HUNK: variants seen among roughly 807,000 people sequenced by gnomAD.
The protein encoded by HUNK is hormonally up-regulated neu tumor-associated kinase.
Under a neutral mutation model 61.0 loss-of-function variants are expected in HUNK, and 21 were observed. That is an observed-to-expected ratio of 0.34 (90% confidence interval 0.24 to 0.50). The LOEUF (loss-of-function observed/expected upper bound fraction) is 0.50, where lower values mean the gene tolerates loss of function less well. Ranked by LOEUF, HUNK falls within the 20% of genes least tolerant of loss-of-function variation. The probability of loss-of-function intolerance (pLI) is 0.98; values close to 1 mark genes in which losing one functional copy is unlikely to be tolerated. For missense variants in HUNK, 772 were observed against 945.7 expected, an observed-to-expected ratio of 0.82 and a Z score of 2.41; for synonymous variants, 371 against 386.1, an observed-to-expected ratio of 0.96 and a Z score of 0.46.
In HUNK at chr21:31,947,110, C is replaced by T. The variant is rs536991425; in HGVS notation, c.746+939C>T. On this transcript the variant is annotated intron_variant, in intron 4 of 10. Coordinates refer to ENST00000270112, the MANE Select transcript of HUNK (RefSeq NM_014586.2). ...CCATATCCCAGTCTCAAACCAGTGG[C>T]GCCTATGCATTCCCACAGCCCATTC... Among the ~76,000 whole-genome samples, 5 of 149,770 alleles carry T rather than the reference C, an allele frequency of 3.3e-5. No individual in the cohort carries two copies. In the South Asian group the frequency reaches 1.1e-3, roughly 32 times the overall value.
rs183642132 is a variant in HUNK, at chr21:31,959,803, T to C, written c.874+833T>C. On this transcript the variant is annotated intron_variant, in intron 5 of 10. Transcript: ENST00000270112. Reference sequence around the variant, plus strand: ...ACTGTTATGCATTTTTCTTCTGAGTTTAAAAGCATGCATGAAGCTGCCCCT... The same window carrying C: ...ACTGTTATGCATTTTTCTTCTGAGTCTAAAAGCATGCATGAAGCTGCCCCT... Among the ~76,000 whole-genome samples the C allele has an allele frequency of 2.0e-5, 3 of 152,362 alleles. No individual in the cohort carries two copies. In the East Asian group the frequency reaches 5.8e-4, roughly 29 times the overall value.
intron 1 of HUNK, among the ~76,000 whole-genome samples, chr21:31,880,295 A>G (rs946615155): frequency 1.3e-5 from 2 of 152,182 alleles, no homozygotes; most frequent in South Asian, 4.2e-4. Flanking sequence ...GACATTCTCT[A>G]TGAGTTTGCT....
chr21:31,938,659 T>C (rs66794948), intron 2 of HUNK, among the ~76,000 whole-genome samples: 27,037 of 152,236 alleles, frequency 0.18, 3,693 homozygotes, highest in African/African-American at 0.38. Flanking sequence ...TTTCTCTTGC[T>C]TATCTCTCTA....
At chr21:31,961,926 C>G (rs139996156) in intron 5 of HUNK, among the ~76,000 whole-genome samples, 2 of 152,122 alleles carry the variant, frequency 1.3e-5, no homozygotes, top group African/African-American at 2.4e-5. Flanking sequence ...ACAATCAGCC[C>G]CCAAGTCTTA....
chr21:31,931,280 T>C (rs1002996687), intron 2 of HUNK, among the ~76,000 whole-genome samples: 2 of 151,900 alleles, frequency 1.3e-5, no homozygotes, highest in Non-Finnish European at 2.9e-5. Context: ...TTACCTTTCA[T>C]TGGGCTGGGG....
chr21:31,945,578 C>CTGTAAGTCAACTGTAAGTGG (rs1429486736), intron 3 of HUNK, among the ~76,000 whole-genome samples: 2 of 152,338 alleles, frequency 1.3e-5, no homozygotes, highest in Non-Finnish European at 2.9e-5. Context: ...GGCTGGATTG[C>CTGTAAGTCAACTGTAAGTGG]ATGTCACTGA....
intron 1 of HUNK, among the ~76,000 whole-genome samples, chr21:31,880,260 G>A (rs1289283614): frequency 6.6e-6 from 1 of 152,180 alleles, no homozygotes; most frequent in Non-Finnish European, 1.5e-5. Context: ...TACGTAGAAG[G>A]GTGCCCTGAG....
Position 31,990,161 on chromosome 21 carries a change from A to G in HUNK, c.1290A>G (p.Glu430=). 6.2e-7 allele frequency: 1 copy of G among 1,613,968 alleles called. No individual in the cohort carries two copies. The highest frequency in any genetic ancestry group is 8.5e-7 in the Non-Finnish European group (1 of 1,179,886). The stretch of plus-strand genomic sequence containing the variant: ...TGGACACCTGGACACGAGATCTTGA[A>G]TTCCATGCCGTGCAGGTAAGAACTT... ...ASLDTWTRDL[E]FHAVQDKKPK... The change falls in exon 9 of 11, where the codon GAA becomes GAG. Residue 430 remains glutamate (E), a synonymous_variant. Transcript: ENST00000270112.
chr21:31,945,187 A>G (rs1341229550), intron 3 of HUNK, among the ~76,000 whole-genome samples: 3 of 152,196 alleles, frequency 2.0e-5, no homozygotes, highest in African/African-American at 7.2e-5. Context: ...GAGATCAACA[A>G]AGATTAAGGA....
chr21:31,979,171 C>T (rs1419377617), intron 7 of HUNK, among the ~76,000 whole-genome samples: 4 of 147,028 alleles, frequency 2.7e-5, no homozygotes, highest in Admixed American at 1.4e-4. Context: ...GGCGTGATCT[C>T]GGCTCACTGC....
intron 1 of HUNK, among the ~76,000 whole-genome samples, chr21:31,877,054 T>C (rs1242975058): frequency 6.6e-6 from 1 of 152,154 alleles, no homozygotes; most frequent in Non-Finnish European, 1.5e-5. Context: ...TCAGGGCAGC[T>C]TGTCTTGGGA....
At chr21:31,960,515 T>C (rs761661300) in intron 5 of HUNK, among the ~76,000 whole-genome samples, 2 of 152,108 alleles carry the variant, frequency 1.3e-5, no homozygotes, top group Non-Finnish European at 2.9e-5. Context: ...TCCATTCTCA[T>C]GCTGCTAATA....
At chr21:31,997,653 T>C (rs752212280) in intron 10 of HUNK, among the ~76,000 whole-genome samples, 32 of 152,200 alleles carry the variant, frequency 2.1e-4, no homozygotes, top group African/African-American at 5.1e-4. Flanking sequence ...TCTACAACAG[T>C]GTGAATATAC....
intron 2 of HUNK, among the ~76,000 whole-genome samples, chr21:31,931,068 CAAAA>C (rs10673838): frequency 1.1e-4 from 8 of 75,152 alleles, no homozygotes; most frequent in Admixed American, 6.2e-4. Context: ...AAGACCTAAC[CAAAA>C]AAAAAAAAAA....
At chr21:31,965,880 T>C (rs2074991545) in intron 5 of HUNK, among the ~76,000 whole-genome samples, 1 of 152,108 alleles carries the variant, frequency 6.6e-6, no homozygotes, top group Non-Finnish European at 1.5e-5. Context: ...GGGATTACAG[T>C]TGTGAGCCAC....
intron 1 of HUNK, among the ~76,000 whole-genome samples, chr21:31,923,116 G>A (rs569469511): frequency 1.3e-5 from 2 of 152,264 alleles, no homozygotes; most frequent in South Asian, 4.1e-4. Context: ...GACGTCAGTG[G>A]CTGATCACAT....
chr21:31,890,668 T>C (rs1240899457), intron 1 of HUNK, among the ~76,000 whole-genome samples: 1 of 152,244 alleles, frequency 6.6e-6, no homozygotes, highest in African/African-American at 2.4e-5. Context: ...ATGATACTGC[T>C]GTTGCTATCC....
chr21:31,995,474 G>C (rs1432484482), intron 9 of HUNK, among the ~76,000 whole-genome samples: 1 of 152,222 alleles, frequency 6.6e-6, no homozygotes, highest in Non-Finnish European at 1.5e-5. Flanking sequence ...TGTTGGGCTT[G>C]TTCCAGAAGA....
intron 9 of HUNK, among the ~76,000 whole-genome samples, chr21:31,991,218 A>G (rs1272894336): frequency 2.0e-5 from 3 of 149,588 alleles, no homozygotes; most frequent in African/African-American, 7.4e-5. Context: ...TATGAACAAA[A>G]CCCCACCTTT....
Sources: gnomAD v4.1 joint callset for allele counts (sites outside exome capture counted in the v4.1 genomes callset) on GRCh38, gnomAD v4.1.1 for gene constraint, MANE v1.5 for transcripts, NCBI Gene and HGNC (gene_info 2026-07-23, HGNC 2026-07-21) for gene names.